Variants in MOBP observed in about 807,000 individuals in gnomAD.
The protein encoded by MOBP is myelin-associated oligodendrocyte basic protein.
Under a neutral mutation model 15.0 loss-of-function variants are expected in MOBP, and 5 were observed. That is an observed-to-expected ratio of 0.33 (90% CI 0.17 to 0.70). The LOEUF (loss-of-function observed/expected upper bound fraction) is 0.70. Among genes scored for constraint, MOBP ranks in the 30% least tolerant of loss-of-function variants. MOBP has a pLI of 0.67. For synonymous variants in MOBP, 88 were observed against 99.0 expected (o/e 0.89, Z 0.66); for missense variants, 188 against 257.8 (o/e 0.73, Z 1.85).
rs1471278659 is a variant in MOBP, at chr3:39,494,781, A to G, written c.-4-7285A>G. ...ACTTTATTTCATTTCATATTTTCAA[A>G]GCCCCCCCCCGCCCCCCGAGTTACG... On this transcript the variant is annotated intron_variant, in intron 2 of 3. Coordinates refer to ENST00000684792, the MANE Select transcript of MOBP (RefSeq NM_001393704.1). 6.6e-5 allele frequency among the ~76,000 whole-genome samples: 5 copies of G among 75,998 alleles called. No homozygotes were observed. The Admixed American group carries it at 7.0e-4, about 11-fold the overall frequency. 49.9% of individuals were successfully genotyped at this position (75,998 alleles called of 152,430 possible).
chr3:39,523,039 T>C (rs1472562408), intron 3 of MOBP, among the ~76,000 whole-genome samples: 2 of 152,232 alleles, frequency 1.3e-5, no homozygotes. Flanking sequence ...CTGCCTTCAT[T>C]ATTCAGAGTA....
chr3:39,490,589 G>C (rs1391179434), intron 2 of MOBP, among the ~76,000 whole-genome samples: 1 of 152,034 alleles, frequency 6.6e-6, no homozygotes, highest in Non-Finnish European at 1.5e-5. Flanking sequence ...TTGAGACAGA[G>C]TCTTGCTCTG....
chr3:39,491,692 A>G (rs1187493749), intron 2 of MOBP, among the ~76,000 whole-genome samples: 6 of 152,154 alleles, frequency 3.9e-5, no homozygotes, highest in Non-Finnish European at 5.9e-5. Flanking sequence ...TGGAGGTGAA[A>G]AGAGAGTAGG....
At chr3:39,472,272 G>C (rs2042482041) in intron 1 of MOBP, among the ~76,000 whole-genome samples, 1 of 152,112 alleles carries the variant, frequency 6.6e-6, no homozygotes, top group Non-Finnish European at 1.5e-5. Flanking sequence ...AAACACTGAA[G>C]TCACAAAAAA....
intron 2 of MOBP, among the ~76,000 whole-genome samples, chr3:39,494,318 A>G (rs541938707): frequency 6.6e-6 from 1 of 152,218 alleles, no homozygotes; most frequent in African/African-American, 2.4e-5. Context: ...TAGGTGCTCA[A>G]TAAATGGTGG....
chr3:39,507,232 T>C (rs1004007874), downstream of MOBP, among the ~76,000 whole-genome samples: 1 of 152,244 alleles, frequency 6.6e-6, no homozygotes, highest in African/African-American at 2.4e-5. Flanking sequence ...ACTTGATTTC[T>C]TTCCTACAAA....
At chr3:39,527,793 A>G (rs2043339666), downstream of MOBP, 1 of 152,210 alleles carries the variant, frequency 6.6e-6, no homozygotes, top group Non-Finnish European at 1.5e-5. Flanking sequence ...CAGCGTATCT[A>G]TGTATCATAC....
rs1034386585 is a variant in MOBP, at chr3:39,502,843, G to A, written c.515G>A (p.Arg172His). The change falls in exon 4 of 4, where the codon CGT becomes CAT. Residue 172 changes from arginine to histidine, a missense_variant. By Grantham distance (29) the Arg-to-His change is conservative. Around this residue, in one of 2 missense-constraint regions of MOBP, gnomAD observed 55 missense variants for 45.2 expected, o/e 1.22. Transcript: ENST00000684792. The surrounding 1 kb of genome is among the most constrained non-coding windows in gnomAD (Gnocchi z 6.3). ...SSPLRGPGAS[R>H]GGSPVKASRF... ...CCCCTCAGAGGGCCAGGCGCCAGCC[G>A]TGGGGGGTCCCCCGTCAAAGCTTCT... 1.3e-6 allele frequency: 2 copies of A among 1,484,882 alleles called. No homozygotes were observed. The highest frequency in any genetic ancestry group is 1.8e-6 in the Non-Finnish European group (2 of 1,108,548). The allele number at this position is 1,484,882 out of a possible 1,614,324, so 92.0% of individuals were successfully genotyped here.
chr3:39,487,316 A>T (rs113122325), intron 2 of MOBP, among the ~76,000 whole-genome samples: 1 of 152,228 alleles, frequency 6.6e-6, no homozygotes, highest in East Asian at 1.9e-4. Context: ...TGAAGAATCT[A>T]TCTGCCCCCT....
chr3:39,491,843 C>T (rs1768224), intron 2 of MOBP, among the ~76,000 whole-genome samples: 1 of 151,916 alleles, frequency 6.6e-6, no homozygotes, highest in Non-Finnish European at 1.5e-5. Context: ...TTTTTCTAGG[C>T]GAAACCTCAA....
chr3:39,508,560 T>C (rs1335874886), intron 4 of MOBP, among the ~76,000 whole-genome samples: 1 of 151,628 alleles, frequency 6.6e-6, no homozygotes, highest in Non-Finnish European at 1.5e-5. Context: ...CATTTTTTTT[T>C]TTTTTTTGAG....
chr3:39,472,774 A>G, intron 1 of MOBP, among the ~76,000 whole-genome samples: 1 of 152,144 alleles, frequency 6.6e-6, no homozygotes. Flanking sequence ...AAAAATACAA[A>G]AATTAACCAA....
downstream of MOBP, among the ~76,000 whole-genome samples, chr3:39,518,719 G>C (rs1160673780): frequency 1.3e-5 from 2 of 152,204 alleles, no homozygotes; most frequent in Non-Finnish European, 2.9e-5. Flanking sequence ...GAGTTGGGCA[G>C]TCATTCAGAG....
exon 5 of MOBP, chr3:39,515,221 C>G (rs985043374): frequency 1.3e-5 from 2 of 152,350 alleles, no homozygotes; most frequent in African/African-American, 4.8e-5. Context: ...GCAGGAGCCC[C>G]TTTTGGACTG....
At chr3:39,486,046 CT>C (rs2042702651) in intron 2 of MOBP, among the ~76,000 whole-genome samples, 1 of 152,126 alleles carries the variant, frequency 6.6e-6, no homozygotes, top group African/African-American at 2.4e-5. Context: ...GGTCTTTTAA[CT>C]TGTAACCTCA....
Position 39,502,589 on chromosome 3 carries a change from C to T in MOBP, c.261C>T (p.Pro87=), listed in dbSNP as rs1239558036. ...PQRPKQQPAA[P]PAVVRAPAKP... Reference sequence around the variant, plus strand: ...GGCCCAAGCAACAGCCAGCTGCGCCCCCCGCGGTGGTCAGAGCGCCAGCCA... The same window carrying T: ...GGCCCAAGCAACAGCCAGCTGCGCCTCCCGCGGTGGTCAGAGCGCCAGCCA... Residue 87 remains proline, a synonymous_variant, in exon 4 of 4, where the codon CCC becomes CCT. Coordinates refer to ENST00000684792, the MANE Select transcript of MOBP (RefSeq NM_001393704.1). This position sits in a 1 kb window ranked among gnomAD's most constrained non-coding sequence, Gnocchi z 6.3. The T allele has an allele frequency of 1.3e-6, 2 of 1,572,584 alleles. No homozygotes were observed. The highest frequency in any genetic ancestry group is 1.7e-6 in the Non-Finnish European group (2 of 1,168,586).
intron 4 of MOBP, chr3:39,513,314 C>T (rs1353507493): frequency 7.2e-7 from 1 of 1,382,840 alleles, no homozygotes; most frequent in Admixed American, 1.8e-5. Flanking sequence ...TAACTGAACA[C>T]AGAGAAAGAG....
downstream of MOBP, chr3:39,526,773 C>CTT (rs5848517): frequency 0.13 from 14,019 of 108,910 alleles, 1,489 homozygotes; most frequent in Non-Finnish European, 0.15. Context: ...TCCTTCCTTC[C>CTT]TTTTTTTTTT....
At chr3:39,469,781 A>G (rs766439366) in intron 1 of MOBP, among the ~76,000 whole-genome samples, 1 of 152,216 alleles carries the variant, frequency 6.6e-6, no homozygotes, top group African/African-American at 2.4e-5. Context: ...GATCTTGTTT[A>G]CCTAATAGTT....
Sources: allele counts gnomAD v4.1 joint callset (sites outside exome capture counted in the v4.1 genomes callset), GRCh38; gene constraint gnomAD v4.1.1; regional missense constraint gnomAD v4.1.1; non-coding constraint Gnocchi (gnomAD v3.1); transcripts MANE v1.5; gene names NCBI Gene and HGNC (gene_info 2026-07-23, HGNC 2026-07-21).